The following SLC25A13 variants were observed in gnomAD, a reference collection of about 807,000 sequenced individuals.
The protein encoded by SLC25A13 is electrogenic aspartate/glutamate antiporter SLC25A13, mitochondrial.
Under a neutral mutation model 85.5 loss-of-function variants are expected in SLC25A13, and 70 were observed. The ratio of observed to expected loss-of-function variants is 0.82; its 90% CI spans 0.68 to 1.00. SLC25A13 has a LOEUF of 1.00. Ranked by LOEUF, SLC25A13 falls within the 50% of genes least tolerant of loss-of-function variation. The probability of loss-of-function intolerance (pLI) is 0.00; values close to 1 mark genes in which losing one functional copy is unlikely to be tolerated. For synonymous variants in SLC25A13, 259 were observed against 288.7 expected, an observed-to-expected ratio of 0.90 and a Z score of 1.04; for missense variants, 765 against 819.8, an observed-to-expected ratio of 0.93 and a Z score of 0.82.
chr7:96,264,714 C>CT (rs568713486), intron 3 of SLC25A13, among the ~76,000 whole-genome samples: 236 of 145,642 alleles, frequency 1.6e-3, no homozygotes, highest in African/African-American at 4.3e-3. Flanking sequence ...AGAACTATAC[C>CT]TTTTTTTTTT....
chr7:96,182,363 A>G (rs959968293), intron 11 of SLC25A13, among the ~76,000 whole-genome samples: 1 of 152,132 alleles, frequency 6.6e-6, no homozygotes, highest in Non-Finnish European at 1.5e-5. Flanking sequence ...GGTGACTCCT[A>G]GAACTAATCT....
chr7:96,188,926 C>G (rs1219574524), intron 9 of SLC25A13, among the ~76,000 whole-genome samples: 1 of 152,206 alleles, frequency 6.6e-6, no homozygotes, highest in Admixed American at 6.5e-5. Flanking sequence ...AGACGGCTTT[C>G]ATTTAGCAAC....
At chr7:96,271,759 T>C (rs974245153) in intron 3 of SLC25A13, among the ~76,000 whole-genome samples, 2 of 152,142 alleles carry the variant, frequency 1.3e-5, no homozygotes, top group Non-Finnish European at 2.9e-5. Flanking sequence ...AATGTAAGGC[T>C]GTATTTTTGG....
At chr7:96,313,842 G>A (rs1800036065) in intron 1 of SLC25A13, among the ~76,000 whole-genome samples, 1 of 152,160 alleles carries the variant, frequency 6.6e-6, no homozygotes. Context: ...AAAAGTGAAA[G>A]ATTTCTAGAT....
At chr7:96,224,705 T>C (rs1029254634) in intron 4 of SLC25A13, among the ~76,000 whole-genome samples, 12 of 152,308 alleles carry the variant, frequency 7.9e-5, no homozygotes, top group African/African-American at 2.6e-4. Flanking sequence ...CTTTCCACCA[T>C]AGTGAAAAAA....
intron 14 of SLC25A13, among the ~76,000 whole-genome samples, chr7:96,134,751 G>T (rs909551043): frequency 7.6e-6 from 1 of 132,292 alleles, no homozygotes; most frequent in African/African-American, 2.9e-5. Context: ...ACATGGCTGA[G>T]ATGAGAAATG....
chr7:96,296,497 T>TC (rs1023669615), intron 2 of SLC25A13, among the ~76,000 whole-genome samples: 53 of 149,408 alleles, frequency 3.5e-4, no homozygotes, highest in Admixed American at 4.6e-4. Context: ...TTTTTTTTTT[T>TC]CTTGAGACAG....
intron 13 of SLC25A13, 104 bp from the exon 14 acceptor site, chr7:96,146,800 G>C: frequency 7.3e-7 from 1 of 1,369,784 alleles, no homozygotes; most frequent in Non-Finnish European, 1.0e-6. Flanking sequence ...CTATCCTCAA[G>C]AGAATGTAGT....
intron 3 of SLC25A13, among the ~76,000 whole-genome samples, chr7:96,246,058 G>A (rs1463831212): frequency 2.4e-4 from 36 of 152,228 alleles, no homozygotes; most frequent in Admixed American, 2.4e-3. Flanking sequence ...AAAGCAGCAT[G>A]TTGGTTTATT....
At chr7:96,185,705 A>G (rs576173328) in intron 9 of SLC25A13, among the ~76,000 whole-genome samples, 1 of 152,208 alleles carries the variant, frequency 6.6e-6, no homozygotes, top group Admixed American at 6.5e-5. Context: ...CCTGGCTAAC[A>G]TGGTGAAACC....
rs187036117 is a variant in SLC25A13, at chr7:96,188,937, G to A, written c.933+357C>T. Reference sequence around the variant, plus strand: ...GCAAAGACGGCTTTCATTTAGCAACGTGCAGCTGCCGACAGGCACAGTGAC... The same window carrying A: ...GCAAAGACGGCTTTCATTTAGCAACATGCAGCTGCCGACAGGCACAGTGAC... On this transcript the variant is annotated intron_variant, in intron 9 of 17. Transcript: ENST00000265631. Among the ~76,000 whole-genome samples the A allele has an allele frequency of 2.2e-3, 341 of 152,298 alleles. 1 individual carries two copies. Among genetic ancestry groups the A allele is most frequent in the South Asian group, 0.018 (87 of 4,826 alleles).
intron 1 of SLC25A13, among the ~76,000 whole-genome samples, chr7:96,300,234 A>G (rs1302864162): frequency 6.6e-6 from 1 of 151,918 alleles, no homozygotes; most frequent in Admixed American, 6.6e-5. Flanking sequence ...ACATAGTGAC[A>G]CCCCATCTTC....
At chr7:96,198,443 G>T (rs1795141421) in intron 5 of SLC25A13, among the ~76,000 whole-genome samples, 1 of 152,184 alleles carries the variant, frequency 6.6e-6, no homozygotes, top group South Asian at 2.1e-4. Context: ...GATAACAAAA[G>T]CTGAATGCTT....
At chr7:96,150,250 A>G (rs1792979237) in intron 13 of SLC25A13, among the ~76,000 whole-genome samples, 1 of 152,072 alleles carries the variant, frequency 6.6e-6, no homozygotes, top group Non-Finnish European at 1.5e-5. Flanking sequence ...AATATTTATA[A>G]GCAATTCAAA....
At chr7:96,301,092 T>G (rs749687534) in intron 1 of SLC25A13, among the ~76,000 whole-genome samples, 1 of 152,232 alleles carries the variant, frequency 6.6e-6, no homozygotes, top group South Asian at 2.1e-4. Flanking sequence ...GGAAGTTCTA[T>G]GAGCTGGAAA....
intron 9 of SLC25A13, among the ~76,000 whole-genome samples, chr7:96,186,329 T>C (rs1794643392): frequency 6.6e-6 from 1 of 152,092 alleles, no homozygotes; most frequent in Non-Finnish European, 1.5e-5. Context: ...CTTGGGAGGC[T>C]GAGGCAGGAG....
chr7:96,319,365 T>C (rs1800248519), intron 1 of SLC25A13, among the ~76,000 whole-genome samples: 1 of 151,660 alleles, frequency 6.6e-6, no homozygotes, highest in African/African-American at 2.4e-5. Context: ...CTGGCCAACA[T>C]GATGTTGGCC....
intron 3 of SLC25A13, among the ~76,000 whole-genome samples, chr7:96,272,562 G>C (rs938008789): frequency 6.6e-6 from 1 of 152,160 alleles, no homozygotes; most frequent in Non-Finnish European, 1.5e-5. Context: ...AGGCAGGAAC[G>C]GTCCAAGGTG....
chr7:96,264,028 C>T (rs200705946), intron 3 of SLC25A13, among the ~76,000 whole-genome samples: 1 of 152,216 alleles, frequency 6.6e-6, no homozygotes, highest in East Asian at 1.9e-4. Flanking sequence ...CCAATGTCCT[C>T]TCTTTGCTCC....
Sources: allele counts gnomAD v4.1 joint callset (sites outside exome capture counted in the v4.1 genomes callset), GRCh38; gene constraint gnomAD v4.1.1; transcripts MANE v1.5; gene names NCBI Gene and HGNC (gene_info 2026-07-23, HGNC 2026-07-21).